The following SLC4A4 variants were observed in gnomAD, a reference collection of about 807,000 sequenced individuals.
The protein encoded by SLC4A4 is electrogenic sodium bicarbonate cotransporter 1.
In SLC4A4, 27 loss-of-function variants were observed where a neutral mutation model predicts 111.5. The ratio of observed to expected loss-of-function variants is 0.24; its 90% CI spans 0.18 to 0.33. SLC4A4 has a LOEUF of 0.33. SLC4A4 is among the 10% of genes least tolerant of loss of function. The pLI is 1.00. For synonymous variants in SLC4A4, 443 were observed against 463.4 expected (o/e 0.96, Z 0.57); for missense variants, 909 against 1,315.5 (o/e 0.69, Z 4.78).
At chr4:71,388,868 A>T (rs1560464551) in intron 6 of SLC4A4, among the ~76,000 whole-genome samples, 1 of 152,180 alleles carries the variant, frequency 6.6e-6, no homozygotes, top group East Asian at 1.9e-4. Context: ...CCTATTTTAG[A>T]TCACAATAAA....
At chr4:71,385,098 C>T (rs575723745) in intron 6 of SLC4A4, among the ~76,000 whole-genome samples, 1 of 145,960 alleles carries the variant, frequency 6.9e-6, no homozygotes, top group South Asian at 2.2e-4. Context: ...CTTTGCTGCC[C>T]CTCTTTTTGC....
At chr4:71,552,370 C>T (rs997525762) in intron 20 of SLC4A4, among the ~76,000 whole-genome samples, 3 of 151,782 alleles carry the variant, frequency 2.0e-5, no homozygotes, top group Non-Finnish European at 2.9e-5. Context: ...CACACATACA[C>T]ACACACATAC....
chr4:71,232,668 TC>T (rs1289330172), intron 1 of SLC4A4, among the ~76,000 whole-genome samples: 2 of 152,216 alleles, frequency 1.3e-5, no homozygotes, highest in Non-Finnish European at 2.9e-5. Context: ...CCACTCGGCC[TC>T]CCAAAGCATT....
chr4:71,459,897 A>G (rs1000639574), intron 12 of SLC4A4, among the ~76,000 whole-genome samples: 7 of 151,960 alleles, frequency 4.6e-5, no homozygotes, highest in Non-Finnish European at 8.8e-5. Context: ...TTTTTGTTTA[A>G]TTCTAATTTC....
chr4:71,569,203 A>C lies in SLC4A4; in HGVS notation c.*1452A>C, dbSNP rs947881066. 2.0e-5 allele frequency: 3 copies of C among 151,712 alleles called. No individual in the cohort carries two copies. Among genetic ancestry groups the C allele is most frequent in the African/African-American group, 4.8e-5 (2 of 41,384 alleles). 9.4% of individuals were successfully genotyped at this position (151,712 alleles called of 1,614,324 possible). ...CATTAAGGGTCCAAGAAGTCTGTCC[A>C]TATGAAAATGAGGGTAAATATAGTT... is the stretch of plus-strand genomic sequence containing the variant. On this transcript the variant is annotated 3_prime_UTR_variant, in exon 26 of 26. Transcript: ENST00000264485.
At chr4:71,523,037 T>C (rs973174620) in intron 16 of SLC4A4, among the ~76,000 whole-genome samples, 2 of 152,232 alleles carry the variant, frequency 1.3e-5, no homozygotes, top group African/African-American at 4.8e-5. Flanking sequence ...GTTTAGGTTA[T>C]AAACAGCCCT....
intron 2 of SLC4A4, among the ~76,000 whole-genome samples, chr4:71,137,938 C>T (rs1342071028): frequency 6.6e-6 from 1 of 152,200 alleles, no homozygotes; most frequent in Non-Finnish European, 1.5e-5. Flanking sequence ...GTTTCTAACA[C>T]ACAGAGAAAA....
At chr4:71,157,382 AAGATCAAACTGG>A (rs1744507048) in intron 2 of SLC4A4, among the ~76,000 whole-genome samples, 2 of 152,208 alleles carry the variant, frequency 1.3e-5, no homozygotes, top group Admixed American at 1.3e-4. Context: ...TGCTTGTAAT[AAGATCAAACTGG>A]TAATTGGAAA....
intron 3 of SLC4A4, among the ~76,000 whole-genome samples, chr4:71,269,701 G>A (rs72650324): frequency 0.016 from 2,429 of 152,190 alleles, 36 homozygotes; most frequent in Non-Finnish European, 0.022. Flanking sequence ...TTTAATCCTC[G>A]TAAGAACCTT....
intron 4 of SLC4A4, among the ~76,000 whole-genome samples, chr4:71,340,533 G>A (rs1728825165): frequency 6.6e-6 from 1 of 152,126 alleles, no homozygotes; most frequent in Admixed American, 6.5e-5. Flanking sequence ...TACTATCCAT[G>A]CCTTCAGGAA....
intron 12 of SLC4A4, among the ~76,000 whole-genome samples, chr4:71,461,704 G>T (rs920693398): frequency 2.6e-5 from 4 of 152,016 alleles, no homozygotes; most frequent in Non-Finnish European, 5.9e-5. Flanking sequence ...TAAAAAATAT[G>T]TTTTACTATT....
rs567425958 is a variant in SLC4A4 at position 71,276,297 on chromosome 4, CGATGTGTGACATCGTAT to C, written c.253+20911_253+20927del. Among the ~76,000 whole-genome samples the C allele has an allele frequency of 1.6e-3, 245 of 152,230 alleles. 2 individuals are homozygous for C. Among genetic ancestry groups the C allele is most frequent in the African/African-American group, 5.6e-3 (234 of 41,534 alleles). On this transcript the variant is annotated intron_variant, in intron 3 of 25. Coordinates refer to ENST00000264485, the MANE Select transcript of SLC4A4 (RefSeq NM_001098484.3). ...CAAAACCAGGAAACTGACATTGGTACGATGTGTGACATCGTATGATGTGTGACATTGGTGCGATGTAG... is the reference window on the plus strand; with the variant it reads ...CAAAACCAGGAAACTGACATTGGTACGATGTGTGACATTGGTGCGATGTAG...
rs1722215262 is a variant in SLC4A4, at chr4:71,419,699, C to T, written c.808-20917C>T. ...TCGGCTCGTGCACGGTGCGCTGCAC[C>T]TACTGACCTGCACCCACTATCTGGC... On this transcript the variant is annotated intron_variant, in intron 7 of 25. Coordinates refer to ENST00000264485, the MANE Select transcript of SLC4A4 (RefSeq NM_001098484.3). 2.0e-5 allele frequency among the ~76,000 whole-genome samples: 3 copies of T among 152,194 alleles called. No homozygotes were observed. In the South Asian group the frequency reaches 6.2e-4, roughly 32 times the overall value.
At chr4:71,264,908 T>C (rs1722125880) in intron 3 of SLC4A4, among the ~76,000 whole-genome samples, 1 of 152,200 alleles carries the variant, frequency 6.6e-6, no homozygotes, top group Non-Finnish European at 1.5e-5. Context: ...GTAGCTGGCA[T>C]TCCAGTGGCC....
At chr4:71,144,228 G>C (rs1015012107) in intron 2 of SLC4A4, among the ~76,000 whole-genome samples, 2 of 152,050 alleles carry the variant, frequency 1.3e-5, no homozygotes, top group African/African-American at 4.8e-5. Context: ...TCTTGTTTTT[G>C]TCATGTTTGT....
intron 6 of SLC4A4, among the ~76,000 whole-genome samples, chr4:71,363,683 GC>G (rs1399615336): frequency 2.0e-5 from 3 of 152,138 alleles, no homozygotes; most frequent in Admixed American, 1.3e-4. Context: ...CTTCCTATGT[GC>G]CTTTCTGCAT....
chr4:71,504,745 G>A (rs1230139744), intron 16 of SLC4A4, among the ~76,000 whole-genome samples: 1 of 150,804 alleles, frequency 6.6e-6, no homozygotes, highest in East Asian at 1.9e-4. Context: ...TCTAATTCAG[G>A]GTACATATAC....
chr4:71,439,820 T>C (rs1470116207), intron 7 of SLC4A4, among the ~76,000 whole-genome samples: 1 of 151,580 alleles, frequency 6.6e-6, no homozygotes, highest in Non-Finnish European at 1.5e-5. Context: ...GTCTTTCTGC[T>C]TGGGCTTTTG....
At chr4:71,094,997 G>C (rs762342761) in intron 2 of SLC4A4, among the ~76,000 whole-genome samples, 27 of 152,146 alleles carry the variant, frequency 1.8e-4, no homozygotes, top group Non-Finnish European at 3.4e-4. Context: ...TTGTTGATCA[G>C]TAAAACTGAT....
Sources: gnomAD v4.1 joint callset for allele counts (sites outside exome capture counted in the v4.1 genomes callset) on GRCh38, gnomAD v4.1.1 for gene constraint, MANE v1.5 for transcripts, NCBI Gene and HGNC (gene_info 2026-07-23, HGNC 2026-07-21) for gene names.